Variants in LDAH observed in about 807,000 individuals in gnomAD.
LDAH encodes lipid droplet associated hydrolase.
Under a neutral mutation model 29.6 loss-of-function variants are expected in LDAH, and 26 were observed. The ratio of observed to expected loss-of-function variants is 0.88; its 90% CI spans 0.64 to 1.22. The LOEUF (loss-of-function observed/expected upper bound fraction) is 1.22. Among genes scored for constraint, LDAH ranks in the 50% most tolerant of loss-of-function variants. The pLI, the probability that LDAH is intolerant of heterozygous loss-of-function variation, is 0.00. For missense variants in LDAH, 344 were observed against 387.3 expected (o/e 0.89, Z 0.94); for synonymous variants, 117 against 133.0 (o/e 0.88, Z 0.83).
intron 5 of LDAH, among the ~76,000 whole-genome samples, chr2:20,718,500 C>T (rs1665409409): frequency 6.6e-6 from 1 of 152,132 alleles, no homozygotes; most frequent in South Asian, 2.1e-4. Flanking sequence ...AACACCAGAA[C>T]ACCCAAATAT....
rs1001349953 is a variant in LDAH, at chr2:20,684,642, T to A, written c.*2261A>T. ...GAAGCGTATGGTGAGAGGCCCTTGG[T>A]GGCCATGGACATCAGGCCACACAAG... is the stretch of plus-strand genomic sequence containing the variant. On this transcript the variant is annotated 3_prime_UTR_variant, in exon 7 of 7. Transcript: ENST00000237822. 12 of 396,350 alleles carry A rather than the reference T, an allele frequency of 3.0e-5. No individual in the cohort carries two copies. The highest frequency in any genetic ancestry group is 4.5e-6 in the Non-Finnish European group (1 of 223,340). The allele number at this position is 396,350 out of a possible 1,614,324, so 24.6% of individuals were successfully genotyped here.
chr2:20,701,760 T>C, intron 5 of LDAH, 108 bp from the exon 6 acceptor site: 1 of 916,984 alleles, frequency 1.1e-6, no homozygotes. Flanking sequence ...GCACGTGCTA[T>C]CTGATGAGAG....
At chr2:20,688,828 CTTTTTTTT>C (rs57543886) in intron 6 of LDAH, among the ~76,000 whole-genome samples, 3 of 112,018 alleles carry the variant, frequency 2.7e-5, no homozygotes, top group Admixed American at 1.9e-4. Context: ...TGGAGGTTTC[CTTTTTTTT>C]TTTTTTTTTT....
chr2:20,812,914 A>G (rs186173708), intron 1 of LDAH, among the ~76,000 whole-genome samples: 223 of 152,310 alleles, frequency 1.5e-3, no homozygotes, highest in Middle Eastern at 6.8e-3. Context: ...AACCCTATAG[A>G]TGGGTACTAT....
At chr2:20,789,295 G>C in intron 3 of LDAH, 1 of 1,549,538 alleles carries the variant, frequency 6.5e-7, no homozygotes. Flanking sequence ...AGTCCCAAGA[G>C]GGCTTGCCTC....
chr2:20,768,301 G>A (rs1669177568), intron 4 of LDAH, among the ~76,000 whole-genome samples: 1 of 152,192 alleles, frequency 6.6e-6, no homozygotes, highest in Admixed American at 6.5e-5. Flanking sequence ...CCCTGAGCCA[G>A]AGCTGTGACT....
intron 4 of LDAH, among the ~76,000 whole-genome samples, chr2:20,768,679 G>C (rs891307968): frequency 6.6e-6 from 1 of 152,146 alleles, no homozygotes; most frequent in Non-Finnish European, 1.5e-5. Context: ...CCAACCACAG[G>C]TTTCTGGCCA....
At position 20,710,619 on chromosome 2, in the gene LDAH, TAG is replaced by T. The variant is rs1491295620; in HGVS notation, c.704-8969_704-8968del. 1.7e-3 allele frequency among the ~76,000 whole-genome samples: 233 copies of T among 133,754 alleles called. 1 individual carries two copies. In the South Asian group the frequency reaches 0.036, roughly 21 times the overall value. The allele number at this position is 133,754 out of a possible 152,430, so 87.7% of individuals were successfully genotyped here. ...GTGTGTGTGTGTGTATATATATATA[TAG>T]ATATATATATATAGATATATAGTAT... On this transcript the variant is annotated intron_variant, in intron 5 of 6. Transcript: ENST00000237822.
Position 20,791,710 on chromosome 2 carries a change from C to T in LDAH, c.155-1312G>A, listed in dbSNP as rs151033309. On this transcript the variant is annotated intron_variant, in intron 2 of 6. Transcript: ENST00000237822. ...ACAGGGGCTATAACATCTATGGAAG[C>T]TGTGGGTGGCACTGTTTCATGTTTT... Among the ~76,000 whole-genome samples, 11 of 152,288 alleles carry T rather than the reference C, an allele frequency of 7.2e-5. No homozygotes were observed. In the East Asian group the frequency reaches 2.1e-3, roughly 29 times the overall value.
chr2:20,812,925 T>G (rs1002540034), intron 1 of LDAH, among the ~76,000 whole-genome samples: 1 of 152,190 alleles, frequency 6.6e-6, no homozygotes, highest in African/African-American at 2.4e-5. Flanking sequence ...TGGGTACTAT[T>G]ATTTCATCCT....
intron 4 of LDAH, among the ~76,000 whole-genome samples, chr2:20,770,716 C>T (rs899671265): frequency 2.0e-5 from 3 of 152,180 alleles, no homozygotes; most frequent in African/African-American, 7.2e-5. Flanking sequence ...CAGTTGTGTA[C>T]ACTGCAGGGC....
At chr2:20,781,905 T>C (rs572358636) in intron 3 of LDAH, among the ~76,000 whole-genome samples, 2 of 152,314 alleles carry the variant, frequency 1.3e-5, no homozygotes, top group Admixed American at 6.5e-5. Flanking sequence ...CCAGACTAAT[T>C]ACTAAGTTAT....
chr2:20,773,327 G>A (rs188939431), intron 4 of LDAH, among the ~76,000 whole-genome samples: 5,202 of 146,368 alleles, frequency 0.036, 264 homozygotes, highest in African/African-American at 0.13. Context: ...AAAAAAAAAA[G>A]GACAATAAAT....
intron 4 of LDAH, among the ~76,000 whole-genome samples, chr2:20,769,503 T>G (rs955084687): frequency 2.0e-5 from 3 of 152,222 alleles, no homozygotes; most frequent in Non-Finnish European, 4.4e-5. Flanking sequence ...ACAGCAGACA[T>G]GAAGGCTCAG....
rs1410178141 is a variant in LDAH, at chr2:20,774,857, C to CT, written c.420dup (p.Gly141ArgfsTer14). 1 of 1,613,500 alleles carries CT rather than the reference C, an allele frequency of 6.2e-7. No individual in the cohort carries two copies. Among genetic ancestry groups the CT allele is most frequent in the Non-Finnish European group, 8.5e-7 (1 of 1,179,952 alleles). On this transcript the variant is annotated frameshift_variant, in exon 4 of 7. Coordinates refer to ENST00000237822, the MANE Select transcript of LDAH (RefSeq NM_021925.4). LOFTEE classifies it high-confidence loss of function. ...AGCATCTGAAGTGTGAAATAGCTGC[C>CT]TATTGAATGGCCAATGAGCACAAGT...
At chr2:20,819,216 A>AT (rs58864235) in intron 1 of LDAH, among the ~76,000 whole-genome samples, 1 of 151,448 alleles carries the variant, frequency 6.6e-6, no homozygotes, top group African/African-American at 2.4e-5. Flanking sequence ...TACACACACA[A>AT]TTTTTTTTTA....
Position 20,685,706 on chromosome 2 carries a change from T to C in LDAH, c.*1197A>G. The C allele has an allele frequency of 2.0e-6, 3 of 1,528,966 alleles. No individual in the cohort carries two copies. Among genetic ancestry groups the C allele is most frequent in the Non-Finnish European group, 2.6e-6 (3 of 1,138,036 alleles). The allele number at this position is 1,528,966 out of a possible 1,614,324, so 94.7% of individuals were successfully genotyped here. A position where few individuals can be genotyped will look rare whatever the true frequency, so the allele number is the denominator to read the frequency against. On this transcript the variant is annotated 3_prime_UTR_variant, in exon 7 of 7. Coordinates refer to ENST00000237822, the MANE Select transcript of LDAH (RefSeq NM_021925.4). ...GATCCATGATCAACTGTCACTGCAG[T>C]ATGTGGTTCTCAAGATTGAGTCAAT... is the stretch of plus-strand genomic sequence containing the variant.
intron 5 of LDAH, among the ~76,000 whole-genome samples, chr2:20,731,526 A>AT (rs1231909531): frequency 6.6e-6 from 1 of 152,188 alleles, no homozygotes; most frequent in Non-Finnish European, 1.5e-5. Context: ...GTGAGAGTGC[A>AT]TTAATACATG....
At chr2:20,798,510 T>C (rs776111704) in intron 2 of LDAH, among the ~76,000 whole-genome samples, 2 of 151,306 alleles carry the variant, frequency 1.3e-5, no homozygotes, top group Admixed American at 6.6e-5. Context: ...AACAAAAATA[T>C]ATAAGAAAGG....
Sources: allele counts gnomAD v4.1 joint callset (sites outside exome capture counted in the v4.1 genomes callset), GRCh38; gene constraint gnomAD v4.1.1; transcripts MANE v1.5; gene names NCBI Gene and HGNC (gene_info 2026-07-23, HGNC 2026-07-21).